Variants in BEND7 observed in about 807,000 individuals in gnomAD.
BEND7 encodes BEN domain-containing protein 7.
A neutral mutation model predicts 50.9 loss-of-function variants in BEND7; 28 were observed. The observed-to-expected ratio is 0.55, with a 90% CI of 0.41 to 0.75. The LOEUF is 0.75. Among genes scored for constraint, BEND7 ranks in the 30% least tolerant of loss-of-function variants. BEND7 has a pLI of 0.00. For missense variants in BEND7, 477 were observed against 491.3 expected (o/e 0.97, Z 0.28); for synonymous variants, 170 against 183.9 (o/e 0.92, Z 0.61).
At chr10:13,514,912 TAA>T (rs1042055290) in intron 2 of BEND7, among the ~76,000 whole-genome samples, 1 of 152,246 alleles carries the variant, frequency 6.6e-6, no homozygotes, top group Non-Finnish European at 1.5e-5. Flanking sequence ...TATGTAGGTG[TAA>T]AGTCATACTT....
chr10:13,480,255 C>T (rs985538018), intron 6 of BEND7, among the ~76,000 whole-genome samples: 1 of 152,180 alleles, frequency 6.6e-6, no homozygotes, highest in African/African-American at 2.4e-5. Flanking sequence ...GGTGCTCCCA[C>T]GTGCCCCTGC....
chr10:13,523,805 G>C (rs187269338), intron 2 of BEND7, among the ~76,000 whole-genome samples: 24 of 152,282 alleles, frequency 1.6e-4, no homozygotes, highest in Middle Eastern at 3.4e-3. Context: ...TCATGTTGCT[G>C]TGACAATTTC....
Position 13,441,436 on chromosome 10 carries a change from CCGTTCATCGCACACA to C in BEND7, c.*292_*306del. 1.7e-6 allele frequency: 2 copies of C among 1,197,408 alleles called. No individual in the cohort carries two copies. Among genetic ancestry groups the C allele is most frequent in the Non-Finnish European group, 1.0e-6 (1 of 968,502 alleles). 74.2% of individuals were successfully genotyped at this position (1,197,408 alleles called of 1,614,324 possible). The stretch of plus-strand genomic sequence containing the variant: ...TGATACGTATTTCCAGTGTGTAGAT[CCGTTCATCGCACACA>C]TCTTTGGGTTGAACAAGCTCCACCC... On this transcript the variant is annotated 3_prime_UTR_variant, in exon 9 of 9. Coordinates refer to ENST00000466271, the MANE Select transcript of BEND7 (RefSeq NM_001369863.1).
At chr10:13,485,323 G>A (rs1038548665) in intron 5 of BEND7, among the ~76,000 whole-genome samples, 1 of 152,306 alleles carries the variant, frequency 6.6e-6, no homozygotes, top group Non-Finnish European at 1.5e-5. Context: ...TAAAAGAAGT[G>A]CACAAATAAT....
intron 1 of BEND7, among the ~76,000 whole-genome samples, chr10:13,527,605 G>A (rs77125659): frequency 0.01 from 1,588 of 152,196 alleles, 11 homozygotes; most frequent in Non-Finnish European, 0.017. Context: ...TAAACAGAGC[G>A]GGTCTAAACT....
chr10:13,459,772 C>T (rs985504821), intron 6 of BEND7: 1 of 152,254 alleles, frequency 6.6e-6, no homozygotes, highest in African/African-American at 2.4e-5. Flanking sequence ...GATTCTCTTT[C>T]TGTATCTGGA....
chr10:13,458,089 G>A (rs1839406504), intron 6 of BEND7, among the ~76,000 whole-genome samples: 2 of 152,196 alleles, frequency 1.3e-5, no homozygotes, highest in African/African-American at 4.8e-5. Context: ...CAAGGCACAG[G>A]GCGTATGTTA....
chr10:13,522,789 G>A (rs1209710743), intron 2 of BEND7, among the ~76,000 whole-genome samples: 1 of 152,164 alleles, frequency 6.6e-6, no homozygotes, highest in Non-Finnish European at 1.5e-5. Flanking sequence ...TCAAAGCTCA[G>A]ACAGACCTGC....
At chr10:13,491,767 T>TA (rs1190226461) in intron 5 of BEND7, among the ~76,000 whole-genome samples, 1 of 152,168 alleles carries the variant, frequency 6.6e-6, no homozygotes, top group Non-Finnish European at 1.5e-5. Flanking sequence ...GTTTCCTACT[T>TA]AAAGTTTAAA....
chr10:13,508,481 C>T (rs1032099968), intron 2 of BEND7, among the ~76,000 whole-genome samples: 8 of 152,030 alleles, frequency 5.3e-5, no homozygotes, highest in Non-Finnish European at 1.0e-4. Flanking sequence ...CTGAATGCCA[C>T]GGAAAAGGAA....
chr10:13,476,707 G>A (rs2075471426), intron 6 of BEND7, among the ~76,000 whole-genome samples: 1 of 152,134 alleles, frequency 6.6e-6, no homozygotes, highest in Non-Finnish European at 1.5e-5. Context: ...TCTAGCCTCA[G>A]CAGGTAAGGA....
intron 7 of BEND7, among the ~76,000 whole-genome samples, chr10:13,449,264 T>C (rs1837151924): frequency 6.6e-6 from 1 of 152,320 alleles, no homozygotes; most frequent in South Asian, 2.1e-4. Context: ...TGGGGACAGA[T>C]GGTCTTCATG....
chr10:13,481,578 C>T (rs2075862666), intron 5 of BEND7, among the ~76,000 whole-genome samples: 1 of 152,250 alleles, frequency 6.6e-6, no homozygotes, highest in Admixed American at 6.5e-5. Context: ...TTTCTTTCCC[C>T]TAAGGACACA....
chr10:13,463,006 T>C (rs2073866633), intron 6 of BEND7, among the ~76,000 whole-genome samples: 1 of 152,214 alleles, frequency 6.6e-6, no homozygotes, highest in Non-Finnish European at 1.5e-5. Flanking sequence ...AAAACCATCC[T>C]TGATCTACAA....
intron 6 of BEND7, among the ~76,000 whole-genome samples, chr10:13,458,384 T>G (rs542997624): frequency 1.3e-5 from 2 of 152,232 alleles, no homozygotes; most frequent in Admixed American, 1.3e-4. Context: ...GTCGTTCTCC[T>G]GAGGGACTTT....
intron 7 of BEND7, among the ~76,000 whole-genome samples, chr10:13,449,560 A>G (rs1312547336): frequency 6.6e-6 from 1 of 152,240 alleles, no homozygotes; most frequent in Non-Finnish European, 1.5e-5. Flanking sequence ...TAGTCCAAAC[A>G]TACCATATGC....
intron 5 of BEND7, among the ~76,000 whole-genome samples, chr10:13,483,043 C>CA (rs2075980299): frequency 6.6e-6 from 1 of 151,912 alleles, no homozygotes; most frequent in African/African-American, 2.4e-5. Context: ...GCTCCTGTAT[C>CA]ATTTGAAAGC....
Position 13,482,361 on chromosome 10 carries a change from C to G in BEND7, c.838-1237G>C, listed in dbSNP as rs1404784989. ...GGAAAAAAGTCTGAAGAAAACCTCA[C>G]TGAATTAAGACATGCTATCAAAGCT... On this transcript the variant is annotated intron_variant, in intron 5 of 8. Transcript: ENST00000466271. 2.0e-5 allele frequency among the ~76,000 whole-genome samples: 3 copies of G among 152,206 alleles called. No homozygotes were observed. In the East Asian group the frequency reaches 5.8e-4, roughly 29 times the overall value.
At chr10:13,481,226 T>C (rs559690809) in intron 5 of BEND7, 102 bp from the exon 6 acceptor site, 159 of 1,068,146 alleles carry the variant, frequency 1.5e-4, no homozygotes, top group Admixed American at 4.2e-4. Flanking sequence ...GAAATGTACA[T>C]ATCCTACAAA....
Sources: gnomAD v4.1 joint callset for allele counts (sites outside exome capture counted in the v4.1 genomes callset) on GRCh38, gnomAD v4.1.1 for gene constraint, MANE v1.5 for transcripts, NCBI Gene and HGNC (gene_info 2026-07-23, HGNC 2026-07-21) for gene names.